AKAP6: variants seen among roughly 807,000 people sequenced by gnomAD.
AKAP6 encodes the protein A-kinase anchor protein 6.
Under a neutral mutation model 188.5 loss-of-function variants are expected in AKAP6, and 58 were observed. The ratio of observed to expected loss-of-function variants is 0.31; its 90% CI spans 0.25 to 0.38. The LOEUF (loss-of-function observed/expected upper bound fraction) is 0.38. AKAP6 is among the 10% of genes least tolerant of loss of function. AKAP6 has a pLI of 1.00. For synonymous variants in AKAP6, 989 were observed against 998.6 expected (o/e 0.99, Z 0.18); for missense variants, 2,710 against 2,740.0 (o/e 0.99, Z 0.24).
intron 11 of AKAP6, among the ~76,000 whole-genome samples, chr14:32,749,746 C>A (rs1204914231): frequency 6.6e-6 from 1 of 152,130 alleles, no homozygotes; most frequent in Non-Finnish European, 1.5e-5. Flanking sequence ...GTAAGACATA[C>A]AATTCTCAGT....
intron 9 of AKAP6, among the ~76,000 whole-genome samples, chr14:32,717,048 G>T (rs2030248208): frequency 6.6e-6 from 1 of 152,092 alleles, no homozygotes; most frequent in Non-Finnish European, 1.5e-5. Context: ...AATATGAAAT[G>T]ACCTTCCCTG....
At chr14:32,653,601 T>C (rs1888320815) in intron 7 of AKAP6, among the ~76,000 whole-genome samples, 1 of 151,520 alleles carries the variant, frequency 6.6e-6, no homozygotes, top group African/African-American at 2.4e-5. Flanking sequence ...ATGAGCCAAT[T>C]AATCCTCTTT....
intron 8 of AKAP6, among the ~76,000 whole-genome samples, chr14:32,691,169 A>G (rs1433110429): frequency 6.6e-6 from 1 of 152,134 alleles, no homozygotes; most frequent in Non-Finnish European, 1.5e-5. Flanking sequence ...ACTCACCACA[A>G]TTTTAATCAC....
At chr14:32,441,315 G>A (rs1890568875) in intron 2 of AKAP6, among the ~76,000 whole-genome samples, 1 of 152,168 alleles carries the variant, frequency 6.6e-6, no homozygotes, top group South Asian at 2.1e-4. Flanking sequence ...CTAAGATTGT[G>A]TAAGACTATT....
At chr14:32,508,808 G>A (rs1054763031) in intron 2 of AKAP6, among the ~76,000 whole-genome samples, 7 of 151,650 alleles carry the variant, frequency 4.6e-5, no homozygotes, top group African/African-American at 7.3e-5. Flanking sequence ...CTCTTCATTC[G>A]GTGGTTGTTT....
chr14:32,667,776 AAATT>A (rs1437724118), intron 7 of AKAP6, among the ~76,000 whole-genome samples: 2 of 152,142 alleles, frequency 1.3e-5, no homozygotes, highest in Admixed American at 1.3e-4. Context: ...TTTGATAAAT[AAATT>A]GTTATTATTA....
intron 9 of AKAP6, among the ~76,000 whole-genome samples, chr14:32,714,425 G>C (rs139810417): frequency 6.6e-6 from 1 of 151,918 alleles, no homozygotes; most frequent in East Asian, 1.9e-4. Context: ...ATAAAACCAA[G>C]TATGCCTGTA....
At chr14:32,665,639 G>A (rs1246310718) in intron 7 of AKAP6, among the ~76,000 whole-genome samples, 1 of 152,018 alleles carries the variant, frequency 6.6e-6, no homozygotes, top group African/African-American at 2.4e-5. Flanking sequence ...CCTCTCATGG[G>A]AGAGTCTTAA....
intron 8 of AKAP6, among the ~76,000 whole-genome samples, chr14:32,694,502 G>A (rs531237372): frequency 6.6e-6 from 1 of 152,234 alleles, no homozygotes; most frequent in African/African-American, 2.4e-5. Flanking sequence ...CACCGTATGT[G>A]CATTGTAGTT....
At chr14:32,694,292 C>A (rs12887140) in intron 8 of AKAP6, among the ~76,000 whole-genome samples, 1 of 150,850 alleles carries the variant, frequency 6.6e-6, no homozygotes, top group East Asian at 2.0e-4. Flanking sequence ...ACCCGGGAGG[C>A]GGAGCTTGCA....
intron 7 of AKAP6, among the ~76,000 whole-genome samples, chr14:32,653,429 C>T (rs1477157950): frequency 6.6e-6 from 1 of 152,054 alleles, no homozygotes; most frequent in Non-Finnish European, 1.5e-5. Context: ...GAGATCTGGT[C>T]ATTTAAAAGT....
chr14:32,682,032 G>A (rs1200690784), intron 8 of AKAP6, among the ~76,000 whole-genome samples: 10 of 152,188 alleles, frequency 6.6e-5, no homozygotes, highest in African/African-American at 1.7e-4. Context: ...TGTAAACAGC[G>A]TGGAGTAAAG....
At chr14:32,729,608 C>T (rs531602919) in intron 9 of AKAP6, among the ~76,000 whole-genome samples, 75 of 152,082 alleles carry the variant, frequency 4.9e-4, no homozygotes, top group Middle Eastern at 3.4e-3. Context: ...TTAGATCATT[C>T]ACATATCTAT....
intron 12 of AKAP6, among the ~76,000 whole-genome samples, chr14:32,790,920 C>T (rs2140053792): frequency 6.6e-6 from 1 of 152,284 alleles, no homozygotes; most frequent in Non-Finnish European, 1.5e-5. Flanking sequence ...TTTCCACCTT[C>T]TTTCATGTCC....
intron 12 of AKAP6, among the ~76,000 whole-genome samples, chr14:32,774,231 A>G (rs2032986879): frequency 6.6e-6 from 1 of 152,226 alleles, no homozygotes; most frequent in African/African-American, 2.4e-5. Context: ...TTCCTTCACT[A>G]ACAATATTCA....
At chr14:32,722,613 G>A (rs943326511) in intron 9 of AKAP6, among the ~76,000 whole-genome samples, 5 of 152,132 alleles carry the variant, frequency 3.3e-5, no homozygotes, top group Non-Finnish European at 1.5e-5. Context: ...CAGCACAGAA[G>A]GAGAGAAGAG....
intron 9 of AKAP6, among the ~76,000 whole-genome samples, chr14:32,725,345 G>A (rs138108777): frequency 1.3e-5 from 2 of 152,278 alleles, no homozygotes; most frequent in African/African-American, 4.8e-5. Flanking sequence ...TATTTAGCTC[G>A]GCAGCCTACT....
chr14:32,343,043 A>G (rs1485880747), intron 1 of AKAP6, among the ~76,000 whole-genome samples: 2 of 152,286 alleles, frequency 1.3e-5, no homozygotes, highest in East Asian at 1.9e-4. Flanking sequence ...TGAGAATTTA[A>G]AAGACCTTTT....
intron 4 of AKAP6, among the ~76,000 whole-genome samples, chr14:32,560,278 T>A (rs749843960): frequency 6.6e-5 from 10 of 152,244 alleles, no homozygotes; most frequent in Non-Finnish European, 1.5e-4. Context: ...ATATTAACAT[T>A]GCTAATGGAT....
Sources: allele counts gnomAD v4.1 joint callset (sites outside exome capture counted in the v4.1 genomes callset), GRCh38; gene constraint gnomAD v4.1.1; transcripts MANE v1.5; gene names NCBI Gene and HGNC (gene_info 2026-07-23, HGNC 2026-07-21).